Variants in CAP2 observed in about 807,000 individuals in gnomAD.
CAP2 encodes the protein adenylyl cyclase-associated protein 2.
CAP2 carries 24 observed loss-of-function variants against 57.7 expected under a neutral mutation model. The ratio of observed to expected loss-of-function variants is 0.42; its 90% CI spans 0.30 to 0.58. CAP2 has a LOEUF of 0.58. CAP2 is among the 20% of genes least tolerant of loss of function. CAP2 has a pLI of 0.22. For missense variants in CAP2, 501 were observed against 590.3 expected (o/e 0.85, Z 1.57); for synonymous variants, 194 against 207.2 (o/e 0.94, Z 0.55).
At chr6:17,453,018 G>C (rs1168023295) in intron 3 of CAP2, among the ~76,000 whole-genome samples, 1 of 152,182 alleles carries the variant, frequency 6.6e-6, no homozygotes, top group Non-Finnish European at 1.5e-5. Flanking sequence ...GGATGTTATG[G>C]TTTCTCCATC....
chr6:17,502,420 A>G (rs1244152549), intron 4 of CAP2, among the ~76,000 whole-genome samples: 4 of 152,180 alleles, frequency 2.6e-5, no homozygotes, highest in African/African-American at 9.7e-5. Flanking sequence ...ACTTCTTTAA[A>G]GTACAGGAGA....
At chr6:17,438,074 T>C (rs1759948718) in intron 3 of CAP2, among the ~76,000 whole-genome samples, 1 of 146,830 alleles carries the variant, frequency 6.8e-6, no homozygotes, top group African/African-American at 2.7e-5. Flanking sequence ...ATGACTAGAT[T>C]ATAACATTGC....
At chr6:17,530,519 T>C (rs2113686820) in intron 7 of CAP2, among the ~76,000 whole-genome samples, 1 of 152,192 alleles carries the variant, frequency 6.6e-6, no homozygotes, top group South Asian at 2.1e-4. Context: ...AGAATCTAAC[T>C]GACAAACAAA....
At position 17,533,846 on chromosome 6, in the gene CAP2, G is replaced by A. The variant is rs146686196; in HGVS notation, c.637-5423G>A. Among the ~76,000 whole-genome samples the A allele has an allele frequency of 5.7e-4, 87 of 152,244 alleles. 1 individual carries two copies. In the East Asian group the frequency reaches 0.011, roughly 19 times the overall value. On this transcript the variant is annotated intron_variant, in intron 7 of 12. Coordinates refer to ENST00000229922, the MANE Select transcript of CAP2 (RefSeq NM_006366.3). The stretch of plus-strand genomic sequence containing the variant: ...CTCCCAAAGTACTGTGATTACAGGC[G>A]TGAGCCACTGCGCCCAGCCTCATTT...
chr6:17,436,635 A>G (rs1158868745), intron 3 of CAP2, among the ~76,000 whole-genome samples: 1 of 152,134 alleles, frequency 6.6e-6, no homozygotes, highest in Non-Finnish European at 1.5e-5. Context: ...GGAGACCAGC[A>G]GGAAGAACCA....
intron 3 of CAP2, among the ~76,000 whole-genome samples, chr6:17,454,092 TAGAG>T (rs1326601944): frequency 1.3e-5 from 2 of 151,580 alleles, no homozygotes; most frequent in African/African-American, 4.8e-5. Flanking sequence ...TTAATTTTTA[TAGAG>T]ACAGGGTTTT....
intron 3 of CAP2, among the ~76,000 whole-genome samples, chr6:17,434,231 C>CTTTTTTTTTTTT (rs1219210615): frequency 7.3e-6 from 1 of 137,112 alleles, no homozygotes; most frequent in African/African-American, 3.1e-5. Flanking sequence ...CTCTTTTTTT[C>CTTTTTTTTTTTT]TTTCTTTTTT....
At chr6:17,546,315 T>C (rs185868931) in intron 11 of CAP2, among the ~76,000 whole-genome samples, 1 of 152,256 alleles carries the variant, frequency 6.6e-6, no homozygotes, top group African/African-American at 2.4e-5. Context: ...CATTTTTTCA[T>C]GTGTCTGTTG....
intron 7 of CAP2, 97 bp from the exon 8 acceptor site, chr6:17,539,172 A>G: frequency 8.9e-7 from 1 of 1,124,498 alleles, no homozygotes; most frequent in Admixed American, 2.2e-5. Context: ...CTTCAACCCC[A>G]CTCTCTCATT....
chr6:17,492,671 C>T (rs1320310136), intron 4 of CAP2, among the ~76,000 whole-genome samples: 1 of 152,214 alleles, frequency 6.6e-6, no homozygotes, highest in East Asian at 1.9e-4. Flanking sequence ...CAAACAGCAT[C>T]AACCAAATGT....
At chr6:17,537,897 T>C (rs1762810163) in intron 7 of CAP2, among the ~76,000 whole-genome samples, 1 of 151,994 alleles carries the variant, frequency 6.6e-6, no homozygotes, top group South Asian at 2.1e-4. Flanking sequence ...CAAAACCCTG[T>C]GTCTACTAAA....
chr6:17,499,406 A>C (rs1384204795), intron 4 of CAP2, among the ~76,000 whole-genome samples: 1 of 148,360 alleles, frequency 6.7e-6, no homozygotes, highest in African/African-American at 2.6e-5. Context: ...CTCAAAAAAA[A>C]AAAAAAAAAA....
intron 4 of CAP2, among the ~76,000 whole-genome samples, chr6:17,468,419 C>T (rs146614870): frequency 2.6e-5 from 4 of 152,334 alleles, no homozygotes; most frequent in African/African-American, 7.2e-5. Context: ...TTACCATGTG[C>T]GCTGCATTCT....
At chr6:17,546,161 A>G (rs991735361) in intron 11 of CAP2, among the ~76,000 whole-genome samples, 7 of 152,208 alleles carry the variant, frequency 4.6e-5, no homozygotes, top group Non-Finnish European at 8.8e-5. Flanking sequence ...TCCCACCAAC[A>G]GTGTAAAAGT....
At chr6:17,490,031 C>T (rs969706938) in intron 4 of CAP2, among the ~76,000 whole-genome samples, 1 of 152,040 alleles carries the variant, frequency 6.6e-6, no homozygotes, top group Non-Finnish European at 1.5e-5. Context: ...GACTGTCACC[C>T]ACTGTGTATG....
At chr6:17,450,066 T>A (rs1760363127) in intron 3 of CAP2, among the ~76,000 whole-genome samples, 1 of 152,098 alleles carries the variant, frequency 6.6e-6, no homozygotes, top group Non-Finnish European at 1.5e-5. Flanking sequence ...TTTTTTTTTT[T>A]TTTAAGACTG....
chr6:17,453,481 A>G (rs183321040), intron 3 of CAP2, among the ~76,000 whole-genome samples: 2 of 152,326 alleles, frequency 1.3e-5, no homozygotes, highest in East Asian at 3.9e-4. Flanking sequence ...AGCCCTCACC[A>G]GTAAAGTCAG....
intron 4 of CAP2, among the ~76,000 whole-genome samples, chr6:17,478,283 C>T (rs1031293089): frequency 1.3e-5 from 2 of 148,230 alleles, no homozygotes; most frequent in East Asian, 2.0e-4. Flanking sequence ...CACAGACGTG[C>T]ACCACTACAC....
At chr6:17,440,615 G>A (rs1760046989) in intron 3 of CAP2, among the ~76,000 whole-genome samples, 1 of 11,470 alleles carries the variant, frequency 8.7e-5, no homozygotes, top group Non-Finnish European at 2.1e-4. Context: ...ACTGTGTGTG[G>A]TGTGTGTGTG....
Sources: allele counts gnomAD v4.1 joint callset (sites outside exome capture counted in the v4.1 genomes callset), GRCh38; gene constraint gnomAD v4.1.1; transcripts MANE v1.5; gene names NCBI Gene and HGNC (gene_info 2026-07-23, HGNC 2026-07-21).